ARHGAP32: variants seen among roughly 807,000 people sequenced by gnomAD.
The protein encoded by ARHGAP32 is rho GTPase-activating protein 32.
ARHGAP32 carries 51 observed loss-of-function variants against 186.5 expected under a neutral mutation model. The ratio of observed to expected loss-of-function variants is 0.27; its 90% CI spans 0.22 to 0.35. The LOEUF is 0.35. Ranked by LOEUF, ARHGAP32 falls within the 10% of genes least tolerant of loss-of-function variation. ARHGAP32 has a pLI of 1.00. For synonymous variants in ARHGAP32, 950 were observed against 964.3 expected, an observed-to-expected ratio of 0.99 and a Z score of 0.27; for missense variants, 2,186 against 2,623.5, an observed-to-expected ratio of 0.83 and a Z score of 3.64.
chr11:129,125,884 G>C (rs1942647952), intron 2 of ARHGAP32: 2 of 443,374 alleles, frequency 4.5e-6, no homozygotes, highest in South Asian at 1.6e-5. Context: ...CTCCTTCTTA[G>C]AGGTCTCCCA....
chr11:129,112,217 T>G (rs1221888223), intron 5 of ARHGAP32, among the ~76,000 whole-genome samples: 1 of 151,512 alleles, frequency 6.6e-6, no homozygotes, highest in Admixed American at 6.6e-5. Flanking sequence ...TACTCCAGCC[T>G]GAGTGACAGA....
chr11:129,177,580 T>TTA (rs1433338566), intron 1 of ARHGAP32, among the ~76,000 whole-genome samples: 1 of 152,150 alleles, frequency 6.6e-6, no homozygotes, highest in Non-Finnish European at 1.5e-5. Flanking sequence ...ATCAAAAAGC[T>TTA]TATCCACCAT....
intron 5 of ARHGAP32, among the ~76,000 whole-genome samples, chr11:129,120,383 TGAAGATG>T (rs1942493725): frequency 6.6e-6 from 1 of 152,016 alleles, no homozygotes; most frequent in African/African-American, 2.4e-5. Context: ...GGCATCCAAG[TGAAGATG>T]CAGGGAAGTC....
chr11:129,201,528 CCCT>C (rs1464052304), intron 1 of ARHGAP32, among the ~76,000 whole-genome samples: 15 of 152,142 alleles, frequency 9.9e-5, no homozygotes, highest in South Asian at 6.2e-4. Flanking sequence ...AATCAGAAAA[CCCT>C]ACAGAGTGTG....
chr11:129,136,746 A>G (rs569363654), intron 2 of ARHGAP32, among the ~76,000 whole-genome samples: 1 of 152,078 alleles, frequency 6.6e-6, no homozygotes, highest in Non-Finnish European at 1.5e-5. Context: ...AAAGCATTAG[A>G]TTATTGCAAT....
intron 2 of ARHGAP32, among the ~76,000 whole-genome samples, chr11:129,129,069 C>CT (rs1452290546): frequency 1.3e-5 from 2 of 151,992 alleles, no homozygotes; most frequent in Non-Finnish European, 2.9e-5. Context: ...GGGAGCGCCT[C>CT]TGCCCCGCCG....
intron 1 of ARHGAP32, among the ~76,000 whole-genome samples, chr11:129,252,176 C>T (rs1371440149): frequency 1.3e-5 from 2 of 152,000 alleles, no homozygotes; most frequent in Admixed American, 1.3e-4. Flanking sequence ...ACACCTTTAC[C>T]ATCACTTACA....
chr11:129,174,008 T>G (rs1943836231), intron 1 of ARHGAP32, among the ~76,000 whole-genome samples: 1 of 152,224 alleles, frequency 6.6e-6, no homozygotes, highest in Non-Finnish European at 1.5e-5. Context: ...ACGGGTGATT[T>G]CTGCATTTCC....
rs921966216 is a variant in ARHGAP32, at chr11:128,967,344, A to G, written c.*1563T>C. ...GTTCTAAAAAGCCAGAGCAGCAACCATCCAGTAATTGGAATGCAATTCTCC... is the reference window on the plus strand; with the variant it reads ...GTTCTAAAAAGCCAGAGCAGCAACCGTCCAGTAATTGGAATGCAATTCTCC... On this transcript the variant is annotated 3_prime_UTR_variant, in exon 23 of 23. Transcript: ENST00000682385. 2.0e-5 allele frequency: 3 copies of G among 152,236 alleles called. No individual in the cohort carries two copies. Among genetic ancestry groups the G allele is most frequent in the African/African-American group, 7.2e-5 (3 of 41,468 alleles). The allele number at this position is 152,236 out of a possible 1,614,324, so 9.4% of individuals were successfully genotyped here.
rs1263766536 is a variant in ARHGAP32 at position 128,974,458 on chromosome 11, T to A, written c.2739A>T (p.Leu913Phe). 6.2e-7 allele frequency: 1 copy of A among 1,614,212 alleles called. No homozygotes were observed. The highest frequency in any genetic ancestry group is 1.1e-5 in the South Asian group (1 of 91,088). ...ATATGCTCATAGAAGGTGATTTGCTTAATTTCCGTCCTATCTTCGGAGAGA... is the reference window on the plus strand; with the variant it reads ...ATATGCTCATAGAAGGTGATTTGCTAAATTTCCGTCCTATCTTCGGAGAGA... ...YAFSPKIGRK[L>F]SKSPSMSISE... is the part of the protein sequence containing the mutation. Residue 913 changes from leucine to phenylalanine, a missense_variant, in exon 21 of 23, where the codon TTA becomes TTT. By Grantham distance (22) the Leu-to-Phe change is conservative. Transcript: ENST00000682385.
At chr11:129,035,526 C>A (rs988110319) in intron 11 of ARHGAP32, among the ~76,000 whole-genome samples, 1 of 152,168 alleles carries the variant, frequency 6.6e-6, no homozygotes, top group African/African-American at 2.4e-5. Context: ...TGACAGAATT[C>A]ACATCATCCT....
chr11:129,254,617 A>C (rs2135698368), intron 1 of ARHGAP32, among the ~76,000 whole-genome samples: 1 of 152,286 alleles, frequency 6.6e-6, no homozygotes, highest in Non-Finnish European at 1.5e-5. Context: ...TCACACACAG[A>C]TAATTAATTC....
At chr11:129,127,823 TAA>T (rs1942699038) in intron 2 of ARHGAP32, among the ~76,000 whole-genome samples, 2 of 152,156 alleles carry the variant, frequency 1.3e-5, no homozygotes, top group South Asian at 2.1e-4. Context: ...GCTTCTAAAA[TAA>T]GAGTTTATAA....
At position 129,041,058 on chromosome 11, in the gene ARHGAP32, T is replaced by G. The variant is rs566832296; in HGVS notation, c.964-49A>C. ...GATTCTAAACCAGCAAACAGACCAA[T>G]TATGTGAACACTGCCAACTGAATTC... On this transcript the variant is annotated intron_variant, in intron 10 of 22. Coordinates refer to ENST00000682385, the MANE Select transcript of ARHGAP32 (RefSeq NM_001378024.1). 6 of 1,280,152 alleles carry G rather than the reference T, an allele frequency of 4.7e-6. No homozygotes were observed. In the South Asian group the frequency reaches 7.7e-5, roughly 16 times the overall value. 79.3% of individuals were successfully genotyped at this position (1,280,152 alleles called of 1,614,324 possible). A position where few individuals can be genotyped will look rare whatever the true frequency, so the allele number is the denominator to read the frequency against.
chr11:129,178,269 T>A (rs1208681084), intron 1 of ARHGAP32, among the ~76,000 whole-genome samples: 6 of 152,046 alleles, frequency 3.9e-5, no homozygotes, highest in East Asian at 1.9e-4. Flanking sequence ...AGAACTACAA[T>A]CCATTGCTCA....
At chr11:129,038,599 T>C (rs1184939548) in intron 11 of ARHGAP32, among the ~76,000 whole-genome samples, 1 of 151,462 alleles carries the variant, frequency 6.6e-6, no homozygotes, top group Non-Finnish European at 1.5e-5. Context: ...CATTTACAAC[T>C]CACTAAAAAA....
chr11:129,076,503 A>G (rs1298833476), intron 6 of ARHGAP32, among the ~76,000 whole-genome samples: 7 of 152,244 alleles, frequency 4.6e-5, no homozygotes, highest in African/African-American at 1.7e-4. Flanking sequence ...GAATTAAACT[A>G]TTAGTCAATA....
At chr11:129,268,917 A>G (rs936105074) in intron 1 of ARHGAP32, among the ~76,000 whole-genome samples, 3 of 152,188 alleles carry the variant, frequency 2.0e-5, no homozygotes, top group African/African-American at 7.2e-5. Context: ...TGCTAGAGAT[A>G]CAGCAGGAGC....
intron 6 of ARHGAP32, among the ~76,000 whole-genome samples, chr11:129,068,629 T>C (rs1198498204): frequency 6.6e-6 from 1 of 152,094 alleles, no homozygotes; most frequent in Non-Finnish European, 1.5e-5. Context: ...TCTTTTAATT[T>C]ACATTCCCTT....
Sources: gnomAD v4.1 joint callset for allele counts (sites outside exome capture counted in the v4.1 genomes callset) on GRCh38, gnomAD v4.1.1 for gene constraint, MANE v1.5 for transcripts, NCBI Gene and HGNC (gene_info 2026-07-23, HGNC 2026-07-21) for gene names.